Variants in LSAMP observed in about 807,000 individuals in gnomAD.
LSAMP encodes limbic system-associated membrane protein.
Under a neutral mutation model 38.6 loss-of-function variants are expected in LSAMP, and 7 were observed. The ratio of observed to expected loss-of-function variants is 0.18; its 90% confidence interval spans 0.10 to 0.34. The LOEUF is 0.34. Among genes scored for constraint, LSAMP ranks in the 10% least tolerant of loss-of-function variants. LSAMP has a pLI of 1.00. For missense variants in LSAMP, 313 were observed against 420.0 expected (o/e 0.75, Z 2.23); for synonymous variants, 154 against 166.8 (o/e 0.92, Z 0.59).
rs372348780 is a variant in LSAMP, at chr3:116,369,095, T to C, written c.155+75782A>G. Among the ~76,000 whole-genome samples the C allele has an allele frequency of 2.0e-4, 31 of 152,114 alleles. 1 individual carries two copies. The East Asian group carries it at 5.8e-3, about 28-fold the overall frequency. ...GAAGAAATAATTGTATTATGTTTAT[T>C]GAAGGAAATTCACAGCTTTTCCATA... On this transcript the variant is annotated intron_variant, in intron 1 of 6. Coordinates refer to ENST00000490035, the MANE Select transcript of LSAMP (RefSeq NM_002338.5).
At chr3:116,211,696 A>T (rs946788280) in intron 1 of LSAMP, among the ~76,000 whole-genome samples, 2 of 152,128 alleles carry the variant, frequency 1.3e-5, no homozygotes, top group Non-Finnish European at 2.9e-5. Context: ...ATGTGAGTGA[A>T]CTCTTATTAG....
intron 1 of LSAMP, among the ~76,000 whole-genome samples, chr3:116,129,717 A>C (rs141830799): frequency 1.3e-4 from 20 of 152,344 alleles, no homozygotes; most frequent in Non-Finnish European, 2.6e-4. Flanking sequence ...TGGTCAGTGG[A>C]AGAATGAATG....
intron 1 of LSAMP, among the ~76,000 whole-genome samples, chr3:116,267,573 C>T (rs1422026303): frequency 1.4e-5 from 2 of 147,312 alleles, no homozygotes; most frequent in Non-Finnish European, 3.0e-5. Flanking sequence ...TATGCAGGCC[C>T]TATCTCTGTC....
At position 115,805,918 on chromosome 3, in the gene LSAMP, T is replaced by G. The variant is rs1933619372; in HGVS notation, c.*4399A>C. 6.6e-6 allele frequency: 1 copy of G among 152,220 alleles called. No individual in the cohort carries two copies. Among genetic ancestry groups the G allele is most frequent in the Non-Finnish European group, 1.5e-5 (1 of 68,034 alleles). The allele number at this position is 152,220 out of a possible 1,614,324, so 9.4% of individuals were successfully genotyped here. On this transcript the variant is annotated 3_prime_UTR_variant, in exon 7 of 7. Transcript: ENST00000490035. ...CTAAACATTTAAGCAAGGAGGAGGC[T>G]TCCTAAACTGCATTTTTGTTTCTTA...
intron 1 of LSAMP, among the ~76,000 whole-genome samples, chr3:116,204,436 T>C (rs1276481676): frequency 6.6e-6 from 1 of 152,218 alleles, no homozygotes; most frequent in Admixed American, 6.5e-5. Flanking sequence ...TTGTCTTTTA[T>C]TGCCATTGCT....
At chr3:116,178,095 ACGTGTGTGTG>A (rs1559771630) in intron 1 of LSAMP, among the ~76,000 whole-genome samples, 1 of 57,964 alleles carries the variant, frequency 1.7e-5, no homozygotes, top group Non-Finnish European at 4.3e-5. Flanking sequence ...AGTCTTGTGT[ACGTGTGTGTG>A]TGTGTGTGTG....
At position 115,976,706 on chromosome 3, in the gene LSAMP, A is replaced by G. The variant is rs147714224; in HGVS notation, c.514+42809T>C. ...GGTGATTGGATCATGGGGGCGGATT[A>G]TCCCCTTGCTGTTCTCATGATAGTG... On this transcript the variant is annotated intron_variant, in intron 3 of 6. Coordinates refer to ENST00000490035, the MANE Select transcript of LSAMP (RefSeq NM_002338.5). Among the ~76,000 whole-genome samples the G allele has an allele frequency of 3.3e-5, 5 of 152,180 alleles. No individual in the cohort carries two copies. In the East Asian group the frequency reaches 7.7e-4, roughly 24 times the overall value.
chr3:116,328,884 C>A (rs528015243), intron 1 of LSAMP, among the ~76,000 whole-genome samples: 1 of 152,138 alleles, frequency 6.6e-6, no homozygotes, highest in African/African-American at 2.4e-5. Flanking sequence ...AAAATTAAAT[C>A]TTTATGACAA....
chr3:115,853,618 G>C (rs1304965318), intron 3 of LSAMP, among the ~76,000 whole-genome samples: 2 of 152,086 alleles, frequency 1.3e-5, no homozygotes, highest in Admixed American at 1.3e-4. Flanking sequence ...ATGAAAAGAG[G>C]AAAAGAAGGT....
chr3:116,056,447 T>C (rs1941491786), intron 2 of LSAMP, among the ~76,000 whole-genome samples: 2 of 152,242 alleles, frequency 1.3e-5, no homozygotes, highest in East Asian at 1.9e-4. Context: ...CAAAACTAAA[T>C]ATATGATTCG....
chr3:116,202,126 T>A (rs531692281), intron 1 of LSAMP, among the ~76,000 whole-genome samples: 1 of 150,430 alleles, frequency 6.6e-6, no homozygotes, highest in South Asian at 2.1e-4. Flanking sequence ...CTTTTTTCTT[T>A]TCCTTTCCTT....
At chr3:116,091,268 C>G (rs1174155073) in intron 1 of LSAMP, among the ~76,000 whole-genome samples, 1 of 152,208 alleles carries the variant, frequency 6.6e-6, no homozygotes, top group Non-Finnish European at 1.5e-5. Context: ...CTCTCATATT[C>G]CCTGAACAAT....
At chr3:116,225,765 T>C (rs999688086) in intron 1 of LSAMP, among the ~76,000 whole-genome samples, 2 of 150,304 alleles carry the variant, frequency 1.3e-5, no homozygotes, top group Non-Finnish European at 3.0e-5. Context: ...TTTTTTTTTT[T>C]CTGTGCAATT....
At chr3:116,329,082 G>T (rs1443540350) in intron 1 of LSAMP, among the ~76,000 whole-genome samples, 1 of 151,990 alleles carries the variant, frequency 6.6e-6, no homozygotes, top group African/African-American at 2.4e-5. Context: ...TAAATTATTG[G>T]GTAGGTTTCA....
intron 3 of LSAMP, among the ~76,000 whole-genome samples, chr3:116,001,019 G>A (rs981417675): frequency 4.6e-5 from 7 of 152,032 alleles, no homozygotes; most frequent in Non-Finnish European, 8.8e-5. Flanking sequence ...GCATAATCAA[G>A]GCACTATATC....
intron 3 of LSAMP, among the ~76,000 whole-genome samples, chr3:115,919,378 T>C (rs6786701): frequency 0.44 from 66,132 of 151,928 alleles, 14,677 homozygotes; most frequent in East Asian, 0.54. Context: ...AGCAGCTTAA[T>C]CATACCAGCT....
intron 1 of LSAMP, among the ~76,000 whole-genome samples, chr3:116,310,160 ATCTGGGAACAGACGT>A (rs1226123980): frequency 2.7e-5 from 4 of 150,456 alleles, no homozygotes; most frequent in African/African-American, 1.0e-4. Context: ...AACTCAATCT[ATCTGGGAACAGACGT>A]TCCTTCTTTT....
chr3:115,970,485 A>G (rs916562035), intron 3 of LSAMP, among the ~76,000 whole-genome samples: 7 of 152,268 alleles, frequency 4.6e-5, no homozygotes, highest in Non-Finnish European at 7.4e-5. Flanking sequence ...AAGTTCACAC[A>G]CTAATTTGCA....
intron 1 of LSAMP, among the ~76,000 whole-genome samples, chr3:116,221,854 T>TGTGTGC (rs1475844267): frequency 6.6e-6 from 1 of 151,486 alleles, no homozygotes; most frequent in Non-Finnish European, 1.5e-5. Context: ...AGTGTGTGTG[T>TGTGTGC]GTGTGTGTGT....
Sources: gnomAD v4.1 joint callset for allele counts (sites outside exome capture counted in the v4.1 genomes callset) on GRCh38, gnomAD v4.1.1 for gene constraint, MANE v1.5 for transcripts, NCBI Gene and HGNC (gene_info 2026-07-23, HGNC 2026-07-21) for gene names.